MYT1L: variants seen among roughly 807,000 people sequenced by gnomAD.
MYT1L encodes myelin transcription factor 1 like, also known as myelin transcription factor 1-like protein.
MYT1L carries 12 observed loss-of-function variants against 126.7 expected under a neutral mutation model. The observed-to-expected ratio is 0.09, with a 90% CI of 0.06 to 0.15. The LOEUF is 0.15. MYT1L is among the 10% of genes least tolerant of loss of function. The pLI, the probability that MYT1L is intolerant of heterozygous loss-of-function variation, is 1.00. For missense variants in MYT1L, 979 were observed against 1,585.2 expected (o/e 0.62, Z 6.49); for synonymous variants, 541 against 604.2 (o/e 0.90, Z 1.53).
At chr2:2,309,444 T>C (rs948760411) in intron 1 of MYT1L, among the ~76,000 whole-genome samples, 1 of 151,804 alleles carries the variant, frequency 6.6e-6, no homozygotes, top group Non-Finnish European at 1.5e-5. Flanking sequence ...CACTTTGGTA[T>C]ACTCTACATA....
At position 2,252,491 on chromosome 2, in the gene MYT1L, G is replaced by A. The variant is rs569019790; in HGVS notation, c.-421+31913C>T. ...ATTCTGCAATCCAGGAGGGACTCAGGGATGGCTCCTCAGAGGGATCAGTGC... is the reference window on the plus strand; with the variant it reads ...ATTCTGCAATCCAGGAGGGACTCAGAGATGGCTCCTCAGAGGGATCAGTGC... On this transcript the variant is annotated intron_variant, in intron 2 of 24. Coordinates refer to ENST00000647738, the MANE Select transcript of MYT1L (RefSeq NM_001303052.2). Among the ~76,000 whole-genome samples the A allele has an allele frequency of 8.5e-5, 13 of 152,260 alleles. No individual in the cohort carries two copies. The East Asian group carries it at 2.5e-3, about 29-fold the overall frequency.
At chr2:2,065,918 G>A (rs2071218026) in intron 3 of MYT1L, among the ~76,000 whole-genome samples, 1 of 151,050 alleles carries the variant, frequency 6.6e-6, no homozygotes. Flanking sequence ...GAAGAAATTG[G>A]GCATAAAATA....
At chr2:2,135,456 C>T (rs1234438327) in intron 3 of MYT1L, among the ~76,000 whole-genome samples, 1 of 152,160 alleles carries the variant, frequency 6.6e-6, no homozygotes, top group Non-Finnish European at 1.5e-5. Flanking sequence ...TCAGGTATGT[C>T]TTTATTAGCA....
At chr2:2,276,719 C>T (rs540245530) in intron 2 of MYT1L, among the ~76,000 whole-genome samples, 1 of 152,254 alleles carries the variant, frequency 6.6e-6, no homozygotes, top group South Asian at 2.1e-4. Flanking sequence ...ACCCTTGAAT[C>T]TCACCCTCTC....
At chr2:2,132,401 A>G (rs1191250824) in intron 3 of MYT1L, among the ~76,000 whole-genome samples, 1 of 152,248 alleles carries the variant, frequency 6.6e-6, no homozygotes, top group African/African-American at 2.4e-5. Context: ...TGCAGCCATA[A>G]AAGAGAATGA....
At position 1,811,827 on chromosome 2, in the gene MYT1L, C is replaced by T. The variant is rs1486992080; in HGVS notation, c.3081-2660G>A. Among the ~76,000 whole-genome samples, 3 of 152,100 alleles carry T rather than the reference C, an allele frequency of 2.0e-5. No individual in the cohort carries two copies. The highest frequency in any genetic ancestry group is 7.2e-5 in the African/African-American group (3 of 41,412). ...AACAACCTGGCAGTCGTCCCCACTC[C>T]GGGGCACCCTCCTGGGTCTTCTCCT... On this transcript the variant is annotated intron_variant, in intron 21 of 24. Transcript: ENST00000647738. This position sits in a 1 kb window ranked among gnomAD's most constrained non-coding sequence, Gnocchi z 4.4.
In MYT1L at chr2:1,888,033, C is replaced by T. The variant is rs550694355; in HGVS notation, c.2521-424G>A. ...GGCTGAGCTTTCCCCCACCATTGGTCAGTATTTTACAAGCACATGCTTTAA... is the reference window on the plus strand; with the variant it reads ...GGCTGAGCTTTCCCCCACCATTGGTTAGTATTTTACAAGCACATGCTTTAA... On this transcript the variant is annotated intron_variant, in intron 16 of 24. Coordinates refer to ENST00000647738, the MANE Select transcript of MYT1L (RefSeq NM_001303052.2). Among the ~76,000 whole-genome samples the T allele has an allele frequency of 1.6e-4, 25 of 152,326 alleles. No individual in the cohort carries two copies. In the South Asian group the frequency reaches 5.0e-3, roughly 30 times the overall value.
chr2:2,230,059 T>C (rs1238537060), intron 2 of MYT1L, among the ~76,000 whole-genome samples: 2 of 152,242 alleles, frequency 1.3e-5, no homozygotes, highest in East Asian at 3.8e-4. Context: ...TTTTCCTTCA[T>C]GTAAATTACA....
intron 8 of MYT1L, among the ~76,000 whole-genome samples, chr2:1,977,232 C>T (rs1435276176): frequency 6.6e-6 from 1 of 152,168 alleles, no homozygotes; most frequent in Non-Finnish European, 1.5e-5. Context: ...GGCACTTCTG[C>T]ACTAATGAGT....
At chr2:2,274,963 G>T (rs563808485) in intron 2 of MYT1L, among the ~76,000 whole-genome samples, 1 of 152,082 alleles carries the variant, frequency 6.6e-6, no homozygotes, top group Non-Finnish European at 1.5e-5. Context: ...AGTGCTATGA[G>T]GGGGCTGGAA....
intron 23 of MYT1L, among the ~76,000 whole-genome samples, chr2:1,798,406 T>C (rs77426845): frequency 6.6e-6 from 1 of 152,200 alleles, no homozygotes. Flanking sequence ...CACCGGGCTG[T>C]AGGCCTGAGC....
At chr2:2,019,166 G>A (rs1246116869) in intron 4 of MYT1L, among the ~76,000 whole-genome samples, 1 of 151,974 alleles carries the variant, frequency 6.6e-6, no homozygotes, top group Non-Finnish European at 1.5e-5. Context: ...TAATTCTCAT[G>A]TGTTGTGGGA....
intron 3 of MYT1L, among the ~76,000 whole-genome samples, chr2:2,095,412 T>C (rs1439482225): frequency 1.3e-5 from 2 of 152,186 alleles, no homozygotes; most frequent in African/African-American, 4.8e-5. Flanking sequence ...AAAAGGGTCA[T>C]GTAGGCCCTG....
chr2:1,837,331 C>T (rs562328025), intron 21 of MYT1L, among the ~76,000 whole-genome samples: 24 of 152,264 alleles, frequency 1.6e-4, no homozygotes, highest in Admixed American at 1.2e-3. Flanking sequence ...CGTGAGAGGA[C>T]GAAATTGTTT....
chr2:2,221,691 T>C (rs1313993412), intron 2 of MYT1L, among the ~76,000 whole-genome samples: 2 of 152,188 alleles, frequency 1.3e-5, no homozygotes, highest in African/African-American at 4.8e-5. Flanking sequence ...GAAGTCCAAG[T>C]TGCAGCCTGT....
intron 2 of MYT1L, among the ~76,000 whole-genome samples, chr2:2,240,064 G>A (rs1032837349): frequency 9.9e-5 from 15 of 152,186 alleles, no homozygotes; most frequent in East Asian, 9.7e-4. Flanking sequence ...TTTGGAGGCC[G>A]AGGTGGGCAG....
intron 22 of MYT1L, among the ~76,000 whole-genome samples, chr2:1,808,138 A>G (rs945251529): frequency 4.3e-4 from 66 of 152,176 alleles, no homozygotes; most frequent in African/African-American, 1.5e-3. Flanking sequence ...TCTTTCCTTT[A>G]TAAATTACCC....
chr2:1,911,109 G>A (rs1049929136), intron 12 of MYT1L, among the ~76,000 whole-genome samples: 2 of 152,102 alleles, frequency 1.3e-5, no homozygotes, highest in Admixed American at 1.3e-4. Context: ...CTGACGCTGC[G>A]GATGCTGCAT....
At chr2:1,860,385 C>T (rs1414915684) in intron 18 of MYT1L, among the ~76,000 whole-genome samples, 1 of 152,168 alleles carries the variant, frequency 6.6e-6, no homozygotes, top group East Asian at 1.9e-4. Flanking sequence ...CTCTCGCCCT[C>T]GCGTGGAAGA....
Sources: allele counts gnomAD v4.1 joint callset (sites outside exome capture counted in the v4.1 genomes callset), GRCh38; gene constraint gnomAD v4.1.1; non-coding constraint Gnocchi (gnomAD v3.1); transcripts MANE v1.5; gene names NCBI Gene and HGNC (gene_info 2026-07-23, HGNC 2026-07-21).